Variants in WASHC2C observed in about 807,000 individuals in gnomAD.
The protein encoded by WASHC2C is Vaccinia Penetration Factor.
WASHC2C carries 73 observed loss-of-function variants against 142.2 expected under a neutral mutation model. The ratio of observed to expected loss-of-function variants is 0.51; its 90% CI spans 0.43 to 0.62. The LOEUF (loss-of-function observed/expected upper bound fraction) is 0.62, where lower values mean the gene tolerates loss of function less well. WASHC2C is among the 20% of genes least tolerant of loss of function. The pLI is 0.00. For missense variants in WASHC2C, 969 were observed against 1,531.7 expected (o/e 0.63, Z 6.13); for synonymous variants, 337 against 565.5 (o/e 0.60, Z 5.73).
intron 8 of WASHC2C, among the ~76,000 whole-genome samples, chr10:45,749,836 A>AAAAAATATATATATATATAT (rs1227809519): frequency 9.8e-6 from 1 of 101,780 alleles, no homozygotes; most frequent in African/African-American, 4.4e-5. Context: ...AAAAAAAAAA[A>AAAAAATATATATATATATAT]ATATATATAT....
chr10:45,729,467 A>G (rs1329905953), intron 3 of WASHC2C, among the ~76,000 whole-genome samples: 2 of 152,228 alleles, frequency 1.3e-5, no homozygotes, highest in African/African-American at 2.4e-5. Context: ...ATTCTCAACT[A>G]AAGTTTATGA....
intron 20 of WASHC2C, among the ~76,000 whole-genome samples, chr10:45,771,001 G>A (rs1438358104): frequency 1.3e-5 from 2 of 151,828 alleles, no homozygotes; most frequent in African/African-American, 2.4e-5. Flanking sequence ...TATTTTTGTT[G>A]CTCTCTCCTG....
chr10:45,730,812 G>C (rs2050478967), intron 3 of WASHC2C, among the ~76,000 whole-genome samples: 1 of 151,908 alleles, frequency 6.6e-6, no homozygotes. Context: ...GAAGAGACGG[G>C]GTTTCACCGA....
chr10:45,792,913 GC>G lies in WASHC2C; in HGVS notation c.*520del, dbSNP rs1220449058. ...CCAAGGCAAAGTTTGGCAAACTGTG[GC>G]CCCCCCACTGTCATATTTTGTTAAT... On this transcript the variant is annotated 3_prime_UTR_variant, in exon 31 of 31. Transcript: ENST00000623400. The G allele has an allele frequency of 2.1e-6, 1 of 469,170 alleles. No individual in the cohort carries two copies. Among genetic ancestry groups the G allele is most frequent in the African/African-American group, 2.0e-5 (1 of 49,952 alleles). 29.1% of individuals were successfully genotyped at this position (469,170 alleles called of 1,614,324 possible).
chr10:45,771,924 G>T (rs1169441758), intron 20 of WASHC2C, among the ~76,000 whole-genome samples: 4 of 152,208 alleles, frequency 2.6e-5, no homozygotes, highest in African/African-American at 9.6e-5. Context: ...AATGAAATTA[G>T]TTGTTCATAT....
At chr10:45,742,336 C>T (rs1228875321) in intron 5 of WASHC2C, among the ~76,000 whole-genome samples, 5 of 152,070 alleles carry the variant, frequency 3.3e-5, no homozygotes, top group Admixed American at 6.6e-5. Context: ...TATTTTGAGT[C>T]GGAGTTTCGC....
In WASHC2C at chr10:45,729,011, C is replaced by T; in HGVS notation, c.276C>T (p.Thr92=). 1 of 1,613,198 alleles carries T rather than the reference C, an allele frequency of 6.2e-7. No individual in the cohort carries two copies. Among genetic ancestry groups the T allele is most frequent in the Non-Finnish European group, 8.5e-7 (1 of 1,179,674 alleles). Residue 92 remains threonine, a synonymous_variant, in exon 3 of 31, where the codon ACC becomes ACT. Coordinates refer to ENST00000623400, the MANE Select transcript of WASHC2C (RefSeq NM_001330074.2). ...ATGACTTCCTTATGCTCTCTAATAC[C>T]CAGTTCATAGAGAATGTGAGTTATT... ...VFNDFLMLSN[T]QFIENRVYDE...
At position 45,779,128 on chromosome 10, in the gene WASHC2C, T is replaced by A. The variant is rs2057304046; in HGVS notation, c.2471T>A (p.Val824Glu). Residue 824 changes from valine to glutamate, a missense_variant, in exon 23 of 31, where the codon GTA becomes GAA. Transcript: ENST00000623400. The part of the protein sequence containing the change: ...QNIIQAPQKE[V>E]GKGCDPDAHP... ...ATTATCCAGGCTCCACAGAAAGAAG[T>A]AGGAAAGGTAAGCAAAAAGCAGTAG... 6.2e-7 allele frequency: 1 copy of A among 1,611,570 alleles called. No homozygotes were observed. Among genetic ancestry groups the A allele is most frequent in the East Asian group, 2.2e-5 (1 of 44,860 alleles).
chr10:45,742,863 T>C (rs1345707788), intron 5 of WASHC2C, among the ~76,000 whole-genome samples: 1 of 151,632 alleles, frequency 6.6e-6, no homozygotes, highest in Non-Finnish European at 1.5e-5. Context: ...CAGCTTTACT[T>C]TGGCATCTTT....
At chr10:45,741,278 C>T (rs1372211000) in intron 5 of WASHC2C, among the ~76,000 whole-genome samples, 8 of 152,148 alleles carry the variant, frequency 5.3e-5, no homozygotes, top group Admixed American at 5.2e-4. Context: ...TCTGTAGCTG[C>T]ACATTTCTCT....
At chr10:45,779,624 G>A (rs2057344682) in intron 23 of WASHC2C, among the ~76,000 whole-genome samples, 1 of 152,124 alleles carries the variant, frequency 6.6e-6, no homozygotes, top group South Asian at 2.1e-4. Flanking sequence ...TTGGCAGCAT[G>A]AAAACAGCCC....
intron 2 of WASHC2C, among the ~76,000 whole-genome samples, chr10:45,728,527 A>G (rs1326846556): frequency 6.6e-6 from 1 of 151,898 alleles, no homozygotes; most frequent in Non-Finnish European, 1.5e-5. Context: ...TCACGAGGTC[A>G]GGAGTTCGAG....
chr10:45,752,700 C>T lies in WASHC2C; in HGVS notation c.1116C>T (p.Asp372=), dbSNP rs554498849. Residue 372 remains aspartate (D), a synonymous_variant, in exon 12 of 31, where the codon GAC becomes GAT. Transcript: ENST00000623400. The stretch of plus-strand genomic sequence containing the variant: ...GCAAGGGGCTATTTGATGATGAGGA[C>T]GAGGAGGTGAGTCCATGGCACCCAG... ...SGGKGLFDDE[D]EESDLFTEAS... is the part of the protein sequence containing the mutation. 1.6e-5 allele frequency: 25 copies of T among 1,609,138 alleles called. No homozygotes were observed. Among genetic ancestry groups the T allele is most frequent in the African/African-American group, 1.1e-4 (8 of 73,434 alleles).
intron 8 of WASHC2C, 142 bp downstream of exon 8, chr10:45,746,789 T>G (rs2052891579): frequency 8.6e-7 from 1 of 1,163,446 alleles, no homozygotes; most frequent in East Asian, 2.4e-5. Flanking sequence ...GCATTTCATG[T>G]ATTTAGGCTA....
At chr10:45,783,304 T>C (rs1174971507) in intron 23 of WASHC2C, among the ~76,000 whole-genome samples, 1 of 152,202 alleles carries the variant, frequency 6.6e-6, no homozygotes, top group Non-Finnish European at 1.5e-5. Context: ...TCCCAGTCTC[T>C]TACTGTGTAT....
At chr10:45,786,558 C>T in intron 26 of WASHC2C, 54 bp from the exon 27 acceptor site, 1 of 1,595,792 alleles carries the variant, frequency 6.3e-7, no homozygotes, top group Non-Finnish European at 8.6e-7. Flanking sequence ...GCATAAGAAA[C>T]ACTTGTCTTT....
chr10:45,733,368 C>CA, intron 3 of WASHC2C, among the ~76,000 whole-genome samples: 1 of 152,040 alleles, frequency 6.6e-6, no homozygotes, highest in South Asian at 2.1e-4. Flanking sequence ...GAAAGGGGAC[C>CA]AGGGCTGTGT....
intron 17 of WASHC2C, among the ~76,000 whole-genome samples, chr10:45,762,976 C>G (rs551740829): frequency 9.7e-4 from 148 of 151,986 alleles, no homozygotes; most frequent in African/African-American, 3.3e-3. Flanking sequence ...AGTTGTAGCT[C>G]CATTAATTTG....
At chr10:45,736,360 C>G (rs541337393) in intron 3 of WASHC2C, among the ~76,000 whole-genome samples, 1 of 131,916 alleles carries the variant, frequency 7.6e-6, no homozygotes, top group Admixed American at 8.8e-5. Context: ...GAGCCGAGAT[C>G]GCACCACTGC....
Sources: allele counts gnomAD v4.1 joint callset (sites outside exome capture counted in the v4.1 genomes callset), GRCh38; gene constraint gnomAD v4.1.1; transcripts MANE v1.5; gene names NCBI Gene and HGNC (gene_info 2026-07-23, HGNC 2026-07-21).